CDH13: variants seen among roughly 807,000 people sequenced by gnomAD.
CDH13 encodes the protein cadherin 13.
In CDH13, 24 loss-of-function variants were observed where a neutral mutation model predicts 63.8. The ratio of observed to expected loss-of-function variants is 0.38; its 90% confidence interval spans 0.27 to 0.53. The LOEUF (loss-of-function observed/expected upper bound fraction) is 0.53, where lower values mean the gene tolerates loss of function less well. CDH13 is among the 20% of genes least tolerant of loss of function. The pLI is 0.85. For missense variants in CDH13, 1,049 were observed against 903.1 expected (o/e 1.16, Z -2.07); for synonymous variants, 503 against 355.3 (o/e 1.42, Z -4.67).
chr16:83,140,747 A>G (rs906870275), intron 4 of CDH13, among the ~76,000 whole-genome samples: 5 of 152,080 alleles, frequency 3.3e-5, no homozygotes, highest in Non-Finnish European at 7.4e-5. Flanking sequence ...GAGCCGCTGC[A>G]CCCGGCCGAT....
At chr16:82,721,255 A>G (rs917555001) in intron 1 of CDH13, among the ~76,000 whole-genome samples, 2 of 152,172 alleles carry the variant, frequency 1.3e-5, no homozygotes, top group Non-Finnish European at 2.9e-5. Context: ...GGGTTCACAT[A>G]CATAAACAAA....
At chr16:82,921,271 C>A (rs148439761) in intron 2 of CDH13, among the ~76,000 whole-genome samples, 1 of 152,184 alleles carries the variant, frequency 6.6e-6, no homozygotes, top group African/African-American at 2.4e-5. Context: ...GCTACACTCT[C>A]TCCAGAAGCT....
intron 2 of CDH13, among the ~76,000 whole-genome samples, chr16:82,907,823 T>C (rs1471367555): frequency 6.6e-6 from 1 of 152,200 alleles, no homozygotes; most frequent in Non-Finnish European, 1.5e-5. Context: ...TCCCATTCTA[T>C]TTCTCACTAG....
intron 6 of CDH13, among the ~76,000 whole-genome samples, chr16:83,385,884 C>T (rs1312051752): frequency 6.6e-6 from 1 of 152,164 alleles, no homozygotes; most frequent in African/African-American, 2.4e-5. Flanking sequence ...GCTCTCTCAC[C>T]TGGGTCTGAT....
chr16:83,045,848 T>C (rs906837071), intron 3 of CDH13, among the ~76,000 whole-genome samples: 1 of 152,212 alleles, frequency 6.6e-6, no homozygotes, highest in Non-Finnish European at 1.5e-5. Flanking sequence ...ATGATCAAAT[T>C]ACATGGTCTC....
chr16:82,857,108 T>C (rs768244806), intron 1 of CDH13, among the ~76,000 whole-genome samples: 30 of 152,226 alleles, frequency 2.0e-4, no homozygotes, highest in Non-Finnish European at 2.6e-4. Context: ...GGGGAATGGG[T>C]AGGACTCTGA....
intron 7 of CDH13, among the ~76,000 whole-genome samples, chr16:83,490,575 C>T (rs1270534205): frequency 6.6e-6 from 1 of 152,170 alleles, no homozygotes; most frequent in East Asian, 1.9e-4. Context: ...GAGTCTATGG[C>T]CTATCTGCTT....
At chr16:82,722,641 G>A (rs768836778) in intron 1 of CDH13, among the ~76,000 whole-genome samples, 3 of 152,142 alleles carry the variant, frequency 2.0e-5, no homozygotes, top group Non-Finnish European at 2.9e-5. Context: ...TAGGACACTG[G>A]TATGTGGAGA....
At chr16:83,710,726 GA>G (rs141184984) in intron 10 of CDH13, among the ~76,000 whole-genome samples, 1,541 of 152,264 alleles carry the variant, frequency 0.01, 73 homozygotes, top group Admixed American at 0.076. Flanking sequence ...AGATTGTAAT[GA>G]GTTAAAGTTC....
chr16:83,030,389 T>A (rs1018899557), intron 2 of CDH13, among the ~76,000 whole-genome samples: 1 of 152,058 alleles, frequency 6.6e-6, no homozygotes, highest in Non-Finnish European at 1.5e-5. Context: ...CCGGGTACAG[T>A]GGCTCACGCC....
At chr16:82,782,299 C>T (rs532062853) in intron 1 of CDH13, among the ~76,000 whole-genome samples, 2 of 152,288 alleles carry the variant, frequency 1.3e-5, no homozygotes, top group Admixed American at 6.5e-5. Flanking sequence ...CAATGGCTCA[C>T]GCCTGTAATC....
intron 2 of CDH13, 176 bp downstream of exon 2, chr16:82,858,649 A>G (rs2039804302): frequency 1.5e-6 from 1 of 646,898 alleles, no homozygotes; most frequent in Admixed American, 2.3e-5. Flanking sequence ...GCCAACTTAG[A>G]GGTTAATAGA....
intron 10 of CDH13, among the ~76,000 whole-genome samples, chr16:83,724,301 A>T (rs1381263208): frequency 1.3e-5 from 2 of 149,346 alleles, no homozygotes; most frequent in East Asian, 2.0e-4. Flanking sequence ...TGATGAATGC[A>T]TGGGTGAGTG....
At chr16:83,758,039 GAA>G (rs962646457) in intron 11 of CDH13, among the ~76,000 whole-genome samples, 3 of 147,546 alleles carry the variant, frequency 2.0e-5, no homozygotes, top group African/African-American at 7.5e-5. Context: ...CAAAAAAAAA[GAA>G]AGAAAAAGAA....
intron 4 of CDH13, among the ~76,000 whole-genome samples, chr16:83,215,073 CTTTTTTTTTT>C (rs571565652): frequency 1.8e-5 from 1 of 56,232 alleles, no homozygotes; most frequent in Non-Finnish European, 3.0e-5. Flanking sequence ...TCAAACACCT[CTTTTTTTTTT>C]TTTTTTTTTT....
chr16:83,607,625 T>C (rs1908466458), intron 8 of CDH13, among the ~76,000 whole-genome samples: 1 of 152,172 alleles, frequency 6.6e-6, no homozygotes, highest in Non-Finnish European at 1.5e-5. Context: ...TGAACGAAGA[T>C]TGTACTTAAA....
At chr16:83,644,697 C>G (rs747254850) in intron 8 of CDH13, among the ~76,000 whole-genome samples, 1 of 152,172 alleles carries the variant, frequency 6.6e-6, no homozygotes, top group Non-Finnish European at 1.5e-5. Flanking sequence ...ATCTGGTACT[C>G]AAGCGCAGAG....
chr16:83,358,367 T>G (rs1310371625), intron 6 of CDH13, among the ~76,000 whole-genome samples: 8 of 152,180 alleles, frequency 5.3e-5, no homozygotes, highest in African/African-American at 1.9e-4. Flanking sequence ...GCCACCTTGC[T>G]CTGTGACACG....
chr16:83,783,871 C>G, intron 13 of CDH13, among the ~76,000 whole-genome samples: 1 of 152,206 alleles, frequency 6.6e-6, no homozygotes. Context: ...TATTATGAGA[C>G]TTTCTGAGAA....
Sources: gnomAD v4.1 joint callset for allele counts (sites outside exome capture counted in the v4.1 genomes callset) on GRCh38, gnomAD v4.1.1 for gene constraint, MANE v1.5 for transcripts, NCBI Gene and HGNC (gene_info 2026-07-23, HGNC 2026-07-21) for gene names.